PEX1: variants seen among roughly 807,000 people sequenced by gnomAD.
PEX1 encodes peroxisomal biogenesis factor 1.
PEX1 carries 97 observed loss-of-function variants against 152.5 expected under a neutral mutation model. That is an observed-to-expected ratio of 0.64 (90% CI 0.54 to 0.75). The LOEUF is 0.75. Ranked by LOEUF, PEX1 falls within the 30% of genes least tolerant of loss-of-function variation. The pLI, the probability that PEX1 is intolerant of heterozygous loss-of-function variation, is 0.00. For missense variants in PEX1, 1,357 were observed against 1,516.3 expected (o/e 0.89, Z 1.74); for synonymous variants, 485 against 531.6 (o/e 0.91, Z 1.21).
chr7:92,492,979 C>T lies in PEX1; in HGVS notation c.3181G>A (p.Gly1061Arg), dbSNP rs1230486358. Residue 1061 changes from glycine (G) to arginine (R), a missense_variant, in exon 20 of 24, where the codon GGA (glycine) becomes AGA (arginine). Coordinates refer to ENST00000248633, the MANE Select transcript of PEX1 (RefSeq NM_000466.3). ...LYNAQLEALHGMLLSSGLQDG... is the reference protein window; with the variant it reads ...LYNAQLEALHRMLLSSGLQDG... The stretch of plus-strand genomic sequence containing the variant: ...TGGAGTCCACTCGAGAGCAGCATTC[C>T]ATGTAAGGCCTCCAATTGGGCATTG... 5 of 1,613,826 alleles carry T rather than the reference C, an allele frequency of 3.1e-6. No homozygotes were observed. Among genetic ancestry groups the T allele is most frequent in the Middle Eastern group, 1.6e-4 (1 of 6,062 alleles).
intron 16 of PEX1, 110 bp downstream of exon 16, chr7:92,499,594 G>A (rs1791823856): frequency 3.4e-6 from 3 of 880,930 alleles, no homozygotes; most frequent in Admixed American, 1.8e-5. Context: ...GGTGGTGGTT[G>A]CATAGCATTG....
At chr7:92,502,988 A>G (rs1792003081) in intron 13 of PEX1, 53 bp downstream of exon 13, 19 of 1,481,014 alleles carry the variant, frequency 1.3e-5, no homozygotes, top group African/African-American at 2.8e-5. Flanking sequence ...AAATTGAAAA[A>G]TAATTTCTAT....
chr7:92,503,641 A>G (rs528435395), intron 12 of PEX1, among the ~76,000 whole-genome samples: 6 of 152,296 alleles, frequency 3.9e-5, no homozygotes, highest in African/African-American at 1.2e-4. Context: ...TGAGAAGGTC[A>G]GAACTGAAAT....
intron 22 of PEX1, 112 bp from the exon 23 acceptor site, chr7:92,489,535 TTCCTTATAAGATAA>T: frequency 9.2e-7 from 1 of 1,085,696 alleles, no homozygotes; most frequent in Non-Finnish European, 1.4e-6. Context: ...ATACGTTCTC[TTCCTTATAAGATAA>T]TGAAACATTG....
intron 1 of PEX1, among the ~76,000 whole-genome samples, chr7:92,526,075 C>T (rs1793252901): frequency 1.3e-5 from 2 of 152,270 alleles, no homozygotes; most frequent in South Asian, 4.2e-4. Flanking sequence ...GGCAAATTAG[C>T]TGCATGGCAA....
Position 92,491,396 on chromosome 7 carries a change from T to C in PEX1, c.3314A>G (p.Asp1105Gly). 1 of 1,613,642 alleles carries C rather than the reference T, an allele frequency of 6.2e-7. No individual in the cohort carries two copies. The highest frequency in any genetic ancestry group is 8.5e-7 in the Non-Finnish European group (1 of 1,179,554). ...CATCTCTAAAGAAACAAGGGACTGA[T>C]CTAAGCCACATTCTCCATCTCCAGC... Reference protein sequence around the residue: ...DSAGDGECGLDQSLVSLEMSE... With the variant: ...DSAGDGECGLGQSLVSLEMSE... The change falls in exon 21 of 24, where the codon GAT becomes GGT. Residue 1105 changes from aspartate to glycine, a missense_variant. Transcript: ENST00000248633.
chr7:92,511,191 G>A (rs1792447225), intron 7 of PEX1, 144 bp from the exon 8 acceptor site: 1 of 605,186 alleles, frequency 1.7e-6, no homozygotes, highest in Non-Finnish European at 3.0e-6. Flanking sequence ...CCAGGCTGGA[G>A]TGCAGTGGCA....
rs1791536993 is a variant in PEX1 at position 92,494,410 on chromosome 7, G to A, written c.2927-14C>T. On this transcript the variant is annotated splice_polypyrimidine_tract_variant and intron_variant, in intron 18 of 23. Coordinates refer to ENST00000248633, the MANE Select transcript of PEX1 (RefSeq NM_000466.3). ...ATACATAAACACCTAGAGGAAAAAA[G>A]AACATTTTTTTACCAAAATCTGATG... 2 of 1,611,850 alleles carry A rather than the reference G, an allele frequency of 1.2e-6. No homozygotes were observed. Among genetic ancestry groups the A allele is most frequent in the African/African-American group, 2.7e-5 (2 of 74,848 alleles).
rs1057517469 is a variant in PEX1 at position 92,510,943 on chromosome 7, C to T, written c.1587+1G>A. 7.3e-7 allele frequency: 1 copy of T among 1,376,612 alleles called. No individual in the cohort carries two copies. Among genetic ancestry groups the T allele is most frequent in the Non-Finnish European group, 1.0e-6 (1 of 965,790 alleles). The allele number at this position is 1,376,612 out of a possible 1,614,324, so 85.3% of individuals were successfully genotyped here. A position where few individuals can be genotyped will look rare whatever the true frequency, so the allele number is the denominator to read the frequency against. ...TTAAATATTCAATAACATGCTATTACTTGTATTGTAGTCTTCTGCAGCAAA... is the reference window on the plus strand; with the variant it reads ...TTAAATATTCAATAACATGCTATTATTTGTATTGTAGTCTTCTGCAGCAAA... On this transcript the variant is annotated splice_donor_variant, in intron 8 of 23. Coordinates refer to ENST00000248633, the MANE Select transcript of PEX1 (RefSeq NM_000466.3). LOFTEE classifies it high-confidence loss of function.
At chr7:92,518,694 C>T (rs1158632642) in intron 3 of PEX1, among the ~76,000 whole-genome samples, 6 of 152,048 alleles carry the variant, frequency 3.9e-5, no homozygotes, top group African/African-American at 1.2e-4. Context: ...CTCAGCCTCC[C>T]AAGTGACTGG....
At chr7:92,499,984 A>C (rs1400110665) in intron 15 of PEX1, 146 bp from the exon 16 acceptor site, 1 of 665,592 alleles carries the variant, frequency 1.5e-6, no homozygotes, top group African/African-American at 1.8e-5. Flanking sequence ...CAACAGTAGA[A>C]AATACAATTC....
chr7:92,489,582 T>C lies in PEX1; in HGVS notation c.3636+132A>G, dbSNP rs931089270. On this transcript the variant is annotated intron_variant, in intron 22 of 23. Coordinates refer to ENST00000248633, the MANE Select transcript of PEX1 (RefSeq NM_000466.3). ...TTGAAAGCAAGGAAGCACATAACCATGACTGAGTTAATGTGTTCTGGTCCC... is the reference window on the plus strand; with the variant it reads ...TTGAAAGCAAGGAAGCACATAACCACGACTGAGTTAATGTGTTCTGGTCCC... 36 of 1,016,328 alleles carry C rather than the reference T, an allele frequency of 3.5e-5. No homozygotes were observed. The East Asian group carries it at 8.5e-4, about 24-fold the overall frequency. 63.0% of individuals were successfully genotyped at this position (1,016,328 alleles called of 1,614,324 possible).
chr7:92,494,644 C>T lies in PEX1; in HGVS notation c.2784-15G>A, dbSNP rs749338208. 11 of 1,613,174 alleles carry T rather than the reference C, an allele frequency of 6.8e-6. No individual in the cohort carries two copies. The highest frequency in any genetic ancestry group is 2.7e-5 in the African/African-American group (2 of 74,986). On this transcript the variant is annotated splice_polypyrimidine_tract_variant and intron_variant, in intron 17 of 23. Coordinates refer to ENST00000248633, the MANE Select transcript of PEX1 (RefSeq NM_000466.3). The stretch of plus-strand genomic sequence containing the variant: ...CAGCCTGTGCTCTGGGAAAAACAAA[C>T]AACATTTCATATTTGAATCAGGCTT...
intron 2 of PEX1, among the ~76,000 whole-genome samples, chr7:92,519,318 G>A (rs1792950498): frequency 6.6e-6 from 1 of 152,096 alleles, no homozygotes; most frequent in African/African-American, 2.4e-5. Flanking sequence ...TGGAAACCCT[G>A]GGCTCAAGCA....
chr7:92,491,539 A>G, intron 20 of PEX1, 37 bp from the exon 21 acceptor site: 1 of 1,242,948 alleles, frequency 8.0e-7, no homozygotes, highest in Non-Finnish European at 1.2e-6. Context: ...TTAAAGATGT[A>G]AACAATTTTA....
intron 7 of PEX1, among the ~76,000 whole-genome samples, 200 bp downstream of exon 7, chr7:92,511,380 C>A (rs1015829133): frequency 2.0e-5 from 3 of 152,206 alleles, no homozygotes; most frequent in Non-Finnish European, 2.9e-5. Flanking sequence ...CTGCCTCGGC[C>A]TCCCAAAGTG....
chr7:92,491,475 G>C lies in PEX1; in HGVS notation c.3235C>G (p.Leu1079Val). Residue 1079 changes from leucine (L) to valine (V), a missense_variant, in exon 21 of 24, where the codon CTA becomes GTA. Physicochemically the swap from Leu to Val is conservative, Grantham distance 32. Transcript: ENST00000248633. Reference sequence around the variant, plus strand: ...AGAAAGACCATTGAAGACAGACTTAGGTCACTATCAGAGCTGGAACTTCCA... The same window carrying C: ...AGAAAGACCATTGAAGACAGACTTACGTCACTATCAGAGCTGGAACTTCCA... Reference protein sequence around the residue: ...QDGSSSSDSDLSLSSMVFLNH... With the variant: ...QDGSSSSDSDVSLSSMVFLNH... The C allele has an allele frequency of 1.2e-6, 2 of 1,612,262 alleles. No individual in the cohort carries two copies. The highest frequency in any genetic ancestry group is 1.7e-6 in the Non-Finnish European group (2 of 1,178,440).
chr7:92,511,428 G>A, intron 7 of PEX1, 152 bp downstream of exon 7: 2 of 724,784 alleles, frequency 2.8e-6, no homozygotes, highest in Non-Finnish European at 4.5e-6. Context: ...CCCGGCCAAA[G>A]ATATTTTTCA....
At chr7:92,520,756 G>C (rs1793013573) in intron 2 of PEX1, among the ~76,000 whole-genome samples, 1 of 152,150 alleles carries the variant, frequency 6.6e-6, no homozygotes, top group African/African-American at 2.4e-5. Flanking sequence ...CAGAGAGAGA[G>C]AGAAAGAGAG....
Sources: allele counts gnomAD v4.1 joint callset (sites outside exome capture counted in the v4.1 genomes callset), GRCh38; gene constraint gnomAD v4.1.1; transcripts MANE v1.5; gene names NCBI Gene and HGNC (gene_info 2026-07-23, HGNC 2026-07-21).